ZC3H13: variants seen among roughly 807,000 people sequenced by gnomAD.
The protein encoded by ZC3H13 is zinc finger CCCH-type containing 13.
In ZC3H13, 64 loss-of-function variants were observed where a neutral mutation model predicts 204.1. That is an observed-to-expected ratio of 0.31 (90% CI 0.26 to 0.39). ZC3H13 has a LOEUF of 0.39. Among genes scored for constraint, ZC3H13 ranks in the 10% least tolerant of loss-of-function variants. ZC3H13 has a pLI of 1.00. For missense variants in ZC3H13, 1,833 were observed against 2,082.7 expected (o/e 0.88, Z 2.33); for synonymous variants, 667 against 693.7 (o/e 0.96, Z 0.60).
Position 45,969,612 on chromosome 13 carries a change from C to G in ZC3H13, c.2932G>C (p.Glu978Gln), listed in dbSNP as rs1952410716. ...KKKKEDDVGIERGNIETTSED... is the reference protein window; with the variant it reads ...KKKKEDDVGIQRGNIETTSED... ...GATGTTGTCTCTATGTTACCCCTCT[C>G]TATTCCAACATCATCCTCTTTCTTT... The change falls in exon 14 of 19, where the codon GAG becomes CAG. Residue 978 changes from glutamate (E) to glutamine (Q), a missense_variant. Transcript: ENST00000679008. 11 of 1,611,130 alleles carry G rather than the reference C, an allele frequency of 6.8e-6. No homozygotes were observed. The highest frequency in any genetic ancestry group is 1.1e-5 in the South Asian group (1 of 90,036).
intron 14 of ZC3H13, 79 bp from the exon 15 acceptor site, chr13:45,968,107 T>C: frequency 7.1e-7 from 1 of 1,408,682 alleles, no homozygotes; most frequent in Non-Finnish European, 9.5e-7. Context: ...CAAGGTCCTT[T>C]AAAACATAAT....
At chr13:46,041,828 C>T (rs1026505746) in intron 4 of ZC3H13, among the ~76,000 whole-genome samples, 1 of 152,060 alleles carries the variant, frequency 6.6e-6, no homozygotes, top group African/African-American at 2.4e-5. Context: ...TTCAATCTTT[C>T]TTGGAAGCAG....
At position 45,970,421 on chromosome 13, in the gene ZC3H13, G is replaced by A. The variant is rs753228361; in HGVS notation, c.2513C>T (p.Pro838Leu). 5 of 1,613,722 alleles carry A rather than the reference G, an allele frequency of 3.1e-6. No homozygotes were observed. In the African/African-American group the frequency reaches 4.0e-5, roughly 13 times the overall value. Reference sequence around the variant, plus strand: ...CGGAGAATGTTCACGCCGGCGCTTCGGGGACTGTCTAGGGCTGGGACTCCC... The same window carrying A: ...CGGAGAATGTTCACGCCGGCGCTTCAGGGACTGTCTAGGGCTGGGACTCCC... ...NEGSPSPRQS[P>L]KRRREHSPDS... The change falls in exon 13 of 19, where the codon CCG (proline) becomes CTG (leucine). Residue 838 changes from proline to leucine, a missense_variant. Physicochemically the swap from Pro to Leu is moderately conservative, Grantham distance 98 (BLOSUM62 -3). Transcript: ENST00000679008.
Position 45,968,835 on chromosome 13 carries a change from T to C in ZC3H13, c.3709A>G (p.Lys1237Glu). ...CCTGTGATTTCCAGGCTTTTTGTTT[T>C]TTCTCTATCTCTTGAGCCACTGTGC... is the stretch of plus-strand genomic sequence containing the variant. ...VLHSGSRDRE[K>E]TKSLEITGER... Residue 1237 changes from lysine to glutamate, a missense_variant, in exon 14 of 19, where the codon AAA becomes GAA. By Grantham distance (56) the Lys-to-Glu change is moderately conservative. Around this residue, in one of 5 missense-constraint regions of ZC3H13, gnomAD observed 1,574 missense variants for 1,757.2 expected, o/e 0.90. Coordinates refer to ENST00000679008, the MANE Select transcript of ZC3H13 (RefSeq NM_001330564.2). 1 of 1,614,074 alleles carries C rather than the reference T, an allele frequency of 6.2e-7. No homozygotes were observed. The highest frequency in any genetic ancestry group is 8.5e-7 in the Non-Finnish European group (1 of 1,180,004).
At chr13:46,042,594 A>C (rs896347015) in intron 3 of ZC3H13, among the ~76,000 whole-genome samples, 1 of 152,118 alleles carries the variant, frequency 6.6e-6, no homozygotes, top group Non-Finnish European at 1.5e-5. Flanking sequence ...TAATAGCTTG[A>C]CTTGTTTTCC....
At chr13:45,997,264 T>G (rs1047810236) in intron 8 of ZC3H13, among the ~76,000 whole-genome samples, 5 of 152,218 alleles carry the variant, frequency 3.3e-5, no homozygotes. Context: ...GTATTAAACT[T>G]ACAAATACTC....
At chr13:45,959,191 T>G (rs1951501619) in intron 18 of ZC3H13, among the ~76,000 whole-genome samples, 1 of 152,166 alleles carries the variant, frequency 6.6e-6, no homozygotes, top group Non-Finnish European at 1.5e-5. Flanking sequence ...TTTCCTTGAG[T>G]TTCAATTTAA....
chr13:46,011,616 CAG>C, intron 5 of ZC3H13, 62 bp from the exon 6 acceptor site: 1 of 1,359,496 alleles, frequency 7.4e-7, no homozygotes, highest in Non-Finnish European at 9.9e-7. Flanking sequence ...AAAAATCATA[CAG>C]ACTTTTTTCA....
chr13:46,014,133 T>C (rs2041756280), intron 5 of ZC3H13, among the ~76,000 whole-genome samples: 1 of 152,218 alleles, frequency 6.6e-6, no homozygotes, highest in Admixed American at 6.5e-5. Context: ...AGAACATCAA[T>C]ACATAACTTT....
At chr13:46,017,507 CT>C (rs5803323) in intron 5 of ZC3H13, among the ~76,000 whole-genome samples, 113,579 of 151,890 alleles carry the variant, frequency 0.75, 42,921 homozygotes, top group African/African-American at 0.85. Context: ...TTATTTTTTG[CT>C]TTGCAAAATA....
chr13:45,970,265 A>G, intron 13 of ZC3H13, 97 bp downstream of exon 13: 1 of 1,367,668 alleles, frequency 7.3e-7, no homozygotes, highest in Non-Finnish European at 1.0e-6. Flanking sequence ...CAACTTTTTA[A>G]AAATCTTAAT....
At chr13:45,997,237 C>T (rs1299986341) in intron 8 of ZC3H13, among the ~76,000 whole-genome samples, 2 of 152,150 alleles carry the variant, frequency 1.3e-5, no homozygotes, top group African/African-American at 4.8e-5. Context: ...TAAAAATTAA[C>T]CACATGATAG....
intron 3 of ZC3H13, 74 bp downstream of exon 3, chr13:46,044,881 C>G (rs2043835983): frequency 1.8e-6 from 2 of 1,083,126 alleles, no homozygotes; most frequent in African/African-American, 3.3e-5. Context: ...GGTTGTATTT[C>G]AGATTTTTAT....
At chr13:46,022,934 T>C (rs1340178744) in intron 4 of ZC3H13, among the ~76,000 whole-genome samples, 1 of 152,174 alleles carries the variant, frequency 6.6e-6, no homozygotes. Context: ...GTTTTTTGAA[T>C]TTCAGAAATG....
At chr13:46,046,681 A>G (rs2043993243) in intron 1 of ZC3H13, among the ~76,000 whole-genome samples, 1 of 151,838 alleles carries the variant, frequency 6.6e-6, no homozygotes, top group African/African-American at 2.4e-5. Flanking sequence ...AAAAACAAAA[A>G]AACTCTCTCT....
At chr13:46,025,675 A>AC (rs1466858567) in intron 4 of ZC3H13, among the ~76,000 whole-genome samples, 1 of 152,184 alleles carries the variant, frequency 6.6e-6, no homozygotes, top group Non-Finnish European at 1.5e-5. Context: ...AAATAAACTT[A>AC]GTTTCAAAGA....
intron 4 of ZC3H13, among the ~76,000 whole-genome samples, chr13:46,031,670 T>C (rs2042908592): frequency 6.6e-6 from 1 of 152,092 alleles, no homozygotes; most frequent in Non-Finnish European, 1.5e-5. Flanking sequence ...AATAAGTATA[T>C]GAAAAGACGC....
chr13:46,024,161 G>A (rs902680088), intron 4 of ZC3H13, among the ~76,000 whole-genome samples: 1 of 152,192 alleles, frequency 6.6e-6, no homozygotes, highest in African/African-American at 2.4e-5. Context: ...GGAATCCAAA[G>A]TGATCTGCCT....
chr13:46,001,142 G>A (rs1037588049), intron 8 of ZC3H13: 1 of 152,166 alleles, frequency 6.6e-6, no homozygotes, highest in Non-Finnish European at 1.5e-5. Flanking sequence ...AAGAATTACA[G>A]AGACACAAAG....
Sources: gnomAD v4.1 joint callset for allele counts (sites outside exome capture counted in the v4.1 genomes callset) on GRCh38, gnomAD v4.1.1 for gene constraint, gnomAD v4.1.1 regional missense constraint, MANE v1.5 for transcripts, NCBI Gene and HGNC (gene_info 2026-07-23, HGNC 2026-07-21) for gene names.